The following RAVER1 variants were observed in gnomAD, a reference collection of about 807,000 sequenced individuals.
The protein encoded by RAVER1 is ribonucleoprotein, PTB binding 1, also known as ribonucleoprotein PTB-binding 1.
In RAVER1, 36 loss-of-function variants were observed where a neutral mutation model predicts 68.4. That is an observed-to-expected ratio of 0.53 (90% CI 0.40 to 0.70). The LOEUF (loss-of-function observed/expected upper bound fraction) is 0.70, where lower values mean the gene tolerates loss of function less well. Among genes scored for constraint, RAVER1 ranks in the 30% least tolerant of loss-of-function variants. The probability of loss-of-function intolerance (pLI) is 0.00; values close to 1 mark genes in which losing one functional copy is unlikely to be tolerated. For synonymous variants in RAVER1, 469 were observed against 472.7 expected, an observed-to-expected ratio of 0.99 and a Z score of 0.10; for missense variants, 933 against 1,019.8, an observed-to-expected ratio of 0.91 and a Z score of 1.16.
Position 10,322,485 on chromosome 19 carries a change from G to A in RAVER1, c.1173+160C>T. The A allele has an allele frequency of 1.8e-6, 1 of 552,120 alleles. No homozygotes were observed. Among genetic ancestry groups the A allele is most frequent in the Non-Finnish European group, 3.2e-6 (1 of 316,220 alleles). 34.2% of individuals were successfully genotyped at this position (552,120 alleles called of 1,614,324 possible). A position where few individuals can be genotyped will look rare whatever the true frequency, so the allele number is the denominator to read the frequency against. ...GCAATTGCCAGAGGGGGATGGGGATGTGGGTGGGAAAGGCAGGGGTTTGGG... is the reference window on the plus strand; with the variant it reads ...GCAATTGCCAGAGGGGGATGGGGATATGGGTGGGAAAGGCAGGGGTTTGGG... On this transcript the variant is annotated intron_variant, in intron 6 of 12. Transcript: ENST00000617231. The surrounding 1 kb of genome is among the most constrained non-coding windows in gnomAD (Gnocchi z 4.3).
At position 10,322,948 on chromosome 19, in the gene RAVER1, T is replaced by C. The variant is rs1188236835; in HGVS notation, c.1078+197A>G. Among the ~76,000 whole-genome samples, 1 of 152,122 alleles carries C rather than the reference T, an allele frequency of 6.6e-6. No individual in the cohort carries two copies. The highest frequency in any genetic ancestry group is 1.5e-5 in the Non-Finnish European group (1 of 67,998). ...CCCTCTTGTCAGCACCCCACCTCAC[T>C]GCAGGCTGCTGTGTGGCCCTGGTCC... On this transcript the variant is annotated intron_variant, in intron 5 of 12. Coordinates refer to ENST00000617231, the MANE Select transcript of RAVER1 (RefSeq NM_133452.3). The surrounding 1 kb of genome is among the most constrained non-coding windows in gnomAD (Gnocchi z 4.3).
In RAVER1 at chr19:10,322,601, T is replaced by C. The variant is rs962248458; in HGVS notation, c.1173+44A>G. On this transcript the variant is annotated intron_variant, in intron 6 of 12. Coordinates refer to ENST00000617231, the MANE Select transcript of RAVER1 (RefSeq NM_133452.3). The surrounding 1 kb of genome is among the most constrained non-coding windows in gnomAD (Gnocchi z 4.3). The stretch of plus-strand genomic sequence containing the variant: ...CGCACCAGCTGTGTTGAAAAGAGCC[T>C]GTAGGGGCTGTAGAGCAGTGGGTGA... 8 of 1,327,498 alleles carry C rather than the reference T, an allele frequency of 6.0e-6. No individual in the cohort carries two copies. The African/African-American group carries it at 1.1e-4, about 18-fold the overall frequency. The allele number at this position is 1,327,498 out of a possible 1,614,324, so 82.2% of individuals were successfully genotyped here.
rs2145062206 is a variant in RAVER1, at chr19:10,317,196, G to A, written c.*258C>T. On this transcript the variant is annotated 3_prime_UTR_variant, in exon 13 of 13. Coordinates refer to ENST00000617231, the MANE Select transcript of RAVER1 (RefSeq NM_133452.3). This position sits in a 1 kb window ranked among gnomAD's most constrained non-coding sequence, Gnocchi z 4.3. The stretch of plus-strand genomic sequence containing the variant: ...CGGAGGAGGAGATGGGGGGAGGGAG[G>A]GAGAGCAGGCCGGGGCCCCTCTCTC... The A allele has an allele frequency of 3.9e-6, 2 of 516,300 alleles. No individual in the cohort carries two copies. Among genetic ancestry groups the A allele is most frequent in the East Asian group, 7.4e-5 (2 of 26,952 alleles). 32.0% of individuals were successfully genotyped at this position (516,300 alleles called of 1,614,324 possible).
intron 9 of RAVER1, among the ~76,000 whole-genome samples, chr19:10,319,649 C>T (rs1408775517): frequency 6.6e-6 from 1 of 151,666 alleles, no homozygotes; most frequent in Non-Finnish European, 1.5e-5. Context: ...ATGGCACAAT[C>T]TTGGCTCACC....
rs1305836958 is a variant in RAVER1 at position 10,317,641 on chromosome 19, G to T, written c.2074-41C>A. ...AGGGCGGGGCGGGTCAGGGGCCGCT[G>T]GGGGGCCGGGGCTTCCCAGCCCTGC... On this transcript the variant is annotated intron_variant, in intron 12 of 12. Coordinates refer to ENST00000617231, the MANE Select transcript of RAVER1 (RefSeq NM_133452.3). This position sits in a 1 kb window ranked among gnomAD's most constrained non-coding sequence, Gnocchi z 4.3. The T allele has an allele frequency of 6.5e-7, 1 of 1,536,598 alleles. No individual in the cohort carries two copies. The highest frequency in any genetic ancestry group is 1.9e-5 in the Admixed American group (1 of 51,440).
Position 10,323,047 on chromosome 19 carries a change from C to T in RAVER1, c.1078+98G>A. On this transcript the variant is annotated intron_variant, in intron 5 of 12. Transcript: ENST00000617231. This position sits in a 1 kb window ranked among gnomAD's most constrained non-coding sequence, Gnocchi z 6.2. ...CCCCTCGGCCCTACTCCTGGGGCTC[C>T]TGTCACTGCAGCCAAGATGAGCAGT... 1.9e-6 allele frequency: 2 copies of T among 1,058,778 alleles called. No individual in the cohort carries two copies. Among genetic ancestry groups the T allele is most frequent in the Non-Finnish European group, 2.7e-6 (2 of 744,472 alleles). The allele number at this position is 1,058,778 out of a possible 1,614,324, so 65.6% of individuals were successfully genotyped here.
intron 10 of RAVER1, 134 bp downstream of exon 10, chr19:10,319,032 G>C (rs1355714038): frequency 1.3e-6 from 1 of 768,930 alleles, no homozygotes; most frequent in Non-Finnish European, 2.1e-6. Context: ...GCAACACAGT[G>C]AGATCCTGTC....
In RAVER1 at chr19:10,321,101, A is replaced by G; in HGVS notation, c.1420T>C (p.Ser474Pro). The G allele has an allele frequency of 7.6e-7, 1 of 1,324,360 alleles. No homozygotes were observed. Among genetic ancestry groups the G allele is most frequent in the Non-Finnish European group, 9.6e-7 (1 of 1,038,348 alleles). 82.0% of individuals were successfully genotyped at this position (1,324,360 alleles called of 1,614,324 possible). A position where few individuals can be genotyped will look rare whatever the true frequency, so the allele number is the denominator to read the frequency against. ...PPPAPVGLRG[S>P]GLRGLQKDSG... The stretch of plus-strand genomic sequence containing the variant: ...TCTTTCTGGAGGCCTCTGAGGCCAG[A>G]GCCTCGGAGCCCCACAGGGGCGGGG... Residue 474 changes from serine to proline, a missense_variant, in exon 8 of 13, where the codon TCT (serine) becomes CCT (proline). This residue lies in a region of RAVER1 where 699 missense variants were observed against 731.1 expected (regional missense o/e 0.96). Transcript: ENST00000617231.
At chr19:10,321,881 T>C (rs1005491994) in intron 6 of RAVER1, 41 of 307,038 alleles carry the variant, frequency 1.3e-4, no homozygotes, top group African/African-American at 8.4e-4. Flanking sequence ...CCACATGGAA[T>C]GGGACAGCCA....
In RAVER1 at chr19:10,321,040, G is replaced by A; in HGVS notation, c.1473+8C>T. ...TGGTGTGGTGCCGCGCGCAGGGCAG[G>A]GCCTTACCCCAGGGGGCGTCGGCAG... On this transcript the variant is annotated splice_region_variant and intron_variant, in intron 8 of 12. Coordinates refer to ENST00000617231, the MANE Select transcript of RAVER1 (RefSeq NM_133452.3). 1.4e-6 allele frequency: 2 copies of A among 1,422,328 alleles called. No individual in the cohort carries two copies. The highest frequency in any genetic ancestry group is 9.2e-7 in the Non-Finnish European group (1 of 1,090,348). 88.1% of individuals were successfully genotyped at this position (1,422,328 alleles called of 1,614,324 possible). A position where few individuals can be genotyped will look rare whatever the true frequency, so the allele number is the denominator to read the frequency against.
Position 10,317,505 on chromosome 19 carries a change from G to T in RAVER1, c.2169C>A (p.Gly723=). 1 of 1,613,636 alleles carries T rather than the reference G, an allele frequency of 6.2e-7. No homozygotes were observed. The highest frequency in any genetic ancestry group is 8.5e-7 in the Non-Finnish European group (1 of 1,179,546). ...AGGAGTCCGCGTAGTGGCCGCCGAG[G>T]CCCTGGGAGTGCTGGCCCACATAGC... ...EGSYVGQHSQ[G]LGGHYADSYL... The change falls in exon 13 of 13, where the codon GGC becomes GGA. Residue 723 remains glycine, a synonymous_variant. Coordinates refer to ENST00000617231, the MANE Select transcript of RAVER1 (RefSeq NM_133452.3). This position sits in a 1 kb window ranked among gnomAD's most constrained non-coding sequence, Gnocchi z 4.3.
At position 10,331,401 on chromosome 19, in the gene RAVER1, A is replaced by C. The variant is rs1228848478; in HGVS notation, c.220-875T>G. 2.7e-5 allele frequency among the ~76,000 whole-genome samples: 4 copies of C among 146,904 alleles called. 1 individual carries two copies. Among genetic ancestry groups the C allele is most frequent in the Non-Finnish European group, 4.5e-5 (3 of 66,240 alleles). Reference sequence around the variant, plus strand: ...AAAAAAAATAACAACAACAAAAAAAAAAAAAAAAAAAGAGGCCGGGCTCAC... The same window carrying C: ...AAAAAAAATAACAACAACAAAAAAACAAAAAAAAAAAGAGGCCGGGCTCAC... On this transcript the variant is annotated intron_variant, in intron 1 of 12. Coordinates refer to ENST00000617231, the MANE Select transcript of RAVER1 (RefSeq NM_133452.3).
At chr19:10,330,577 C>T in intron 1 of RAVER1, 51 bp from the exon 2 acceptor site, 1 of 841,486 alleles carries the variant, frequency 1.2e-6, no homozygotes, top group Non-Finnish European at 2.0e-6. Context: ...TGGAAGGGGG[C>T]AACCCAGTGC....
chr19:10,325,811 G>A (rs2040470526), intron 3 of RAVER1, among the ~76,000 whole-genome samples: 1 of 151,824 alleles, frequency 6.6e-6, no homozygotes, highest in African/African-American at 2.4e-5. Context: ...AAAAAATTAA[G>A]TTTAGTGAAT....
At chr19:10,331,414 A>G (rs2040517238) in intron 1 of RAVER1, among the ~76,000 whole-genome samples, 2 of 113,586 alleles carry the variant, frequency 1.8e-5, no homozygotes, top group Admixed American at 9.9e-5. Flanking sequence ...AAAAAAAAAG[A>G]GGCCGGGCTC....
Position 10,317,621 on chromosome 19 carries a change from G to T in RAVER1, c.2074-21C>A. On this transcript the variant is annotated intron_variant, in intron 12 of 12. Transcript: ENST00000617231. This position sits in a 1 kb window ranked among gnomAD's most constrained non-coding sequence, Gnocchi z 4.3. Reference sequence around the variant, plus strand: ...GGGGTCTGGAGACAGAGGGCAGGGCGGGGCGGGTCAGGGGCCGCTGGGGGG... The same window carrying T: ...GGGGTCTGGAGACAGAGGGCAGGGCTGGGCGGGTCAGGGGCCGCTGGGGGG... 6.3e-7 allele frequency: 1 copy of T among 1,585,844 alleles called. No homozygotes were observed. The highest frequency in any genetic ancestry group is 8.6e-7 in the Non-Finnish European group (1 of 1,165,428).
chr19:10,319,816 T>C (rs998858461), intron 9 of RAVER1, among the ~76,000 whole-genome samples: 9 of 139,784 alleles, frequency 6.4e-5, no homozygotes, highest in African/African-American at 2.1e-4. Context: ...TTTTATTATA[T>C]ATTTTATAAT....
chr19:10,331,484 G>C (rs887366555), intron 1 of RAVER1, among the ~76,000 whole-genome samples: 1 of 144,946 alleles, frequency 6.9e-6, no homozygotes, highest in African/African-American at 2.6e-5. Context: ...TCAAGAGATC[G>C]AGACCATCCT....
rs34498607 is a variant in RAVER1, at chr19:10,322,231, CGTGTGTGTGTGT to C, written c.1173+402_1173+413del. 2 of 200,606 alleles carry C rather than the reference CGTGTGTGTGTGT, an allele frequency of 1.0e-5. 1 individual carries two copies. Among genetic ancestry groups the C allele is most frequent in the East Asian group, 2.9e-4 (2 of 6,976 alleles). 12.4% of individuals were successfully genotyped at this position (200,606 alleles called of 1,614,324 possible). On this transcript the variant is annotated intron_variant, in intron 6 of 12. Coordinates refer to ENST00000617231, the MANE Select transcript of RAVER1 (RefSeq NM_133452.3). This position sits in a 1 kb window ranked among gnomAD's most constrained non-coding sequence, Gnocchi z 4.3. ...ATGTATACCTGTGTTTCTAGGTGTG[CGTGTGTGTGTGT>C]GCACACACTGAGGGGATAGACCTGG...
Sources: allele counts gnomAD v4.1 joint callset (sites outside exome capture counted in the v4.1 genomes callset), GRCh38; gene constraint gnomAD v4.1.1; regional missense constraint gnomAD v4.1.1; non-coding constraint Gnocchi (gnomAD v3.1); transcripts MANE v1.5; gene names NCBI Gene and HGNC (gene_info 2026-07-23, HGNC 2026-07-21).